GRB10: variants seen among roughly 807,000 people sequenced by gnomAD.
GRB10 encodes growth factor receptor-bound protein 10.
A neutral mutation model predicts 80.9 loss-of-function variants in GRB10; 20 were observed. The ratio of observed to expected loss-of-function variants is 0.25; its 90% CI spans 0.17 to 0.36. The LOEUF (loss-of-function observed/expected upper bound fraction) is 0.36, where lower values mean the gene tolerates loss of function less well. GRB10 is among the 10% of genes least tolerant of loss of function. The probability of loss-of-function intolerance (pLI) is 1.00; values close to 1 mark genes in which losing one functional copy is unlikely to be tolerated. For synonymous variants in GRB10, 291 were observed against 291.5 expected (o/e 1.00, Z 0.02); for missense variants, 548 against 747.7 (o/e 0.73, Z 3.12).
chr7:50,628,357 G>C (rs377698977), intron 7 of GRB10, among the ~76,000 whole-genome samples: 98 of 152,280 alleles, frequency 6.4e-4, no homozygotes, highest in East Asian at 1.2e-3. Flanking sequence ...TGTTTGGAAG[G>C]GGGTGCTTAC....
At position 50,593,062 on chromosome 7, in the gene GRB10, C is replaced by T. The variant is rs1207870979; in HGVS notation, c.1675G>A (p.Asp559Asn). 1.9e-5 allele frequency: 30 copies of T among 1,614,220 alleles called. No homozygotes were observed. The highest frequency in any genetic ancestry group is 2.5e-5 in the Non-Finnish European group (30 of 1,180,044). The stretch of plus-strand genomic sequence containing the variant: ...AGGTCAGAGAATTTGGTGTTCCCGT[C>T]ATCTAGGCTGAAGAACGTCTGCCCG... ...DDGQTFFSLD[D>N]GNTKFSDLIQ... Residue 559 changes from aspartate to asparagine, a missense_variant, in exon 19 of 19, where the codon GAC becomes AAC. Transcript: ENST00000401949.
upstream of GRB10, among the ~76,000 whole-genome samples, chr7:50,787,086 G>T (rs1251761797): frequency 2.6e-5 from 4 of 152,180 alleles, no homozygotes; most frequent in Admixed American, 1.3e-4. Context: ...ATACTACATG[G>T]CTCAGCTATG....
At chr7:50,597,555 C>G (rs888630671) in intron 17 of GRB10, among the ~76,000 whole-genome samples, 29 of 152,268 alleles carry the variant, frequency 1.9e-4, no homozygotes, top group African/African-American at 7.0e-4. Flanking sequence ...CTGCCGTTAA[C>G]TATCTGCTGT....
chr7:50,752,344 T>TA (rs1244923650), intron 3 of GRB10, among the ~76,000 whole-genome samples: 1 of 152,064 alleles, frequency 6.6e-6, no homozygotes, highest in Non-Finnish European at 1.5e-5. Context: ...TCAAGGTACT[T>TA]AAGAGTTTCT....
Position 50,619,289 on chromosome 7 carries a change from C to A in GRB10, c.662-4G>T, listed in dbSNP as rs750997021. Reference sequence around the variant, plus strand: ...TCATGGTCTTCCAAGCACCTCTCTGCAGGGGCAAAGCATCACGTGTGAGAC... The same window carrying A: ...TCATGGTCTTCCAAGCACCTCTCTGAAGGGGCAAAGCATCACGTGTGAGAC... On this transcript the variant is annotated splice_polypyrimidine_tract_variant and splice_region_variant and intron_variant, in intron 8 of 18. Transcript: ENST00000401949. 17 of 1,571,628 alleles carry A rather than the reference C, an allele frequency of 1.1e-5. No homozygotes were observed. Among genetic ancestry groups the A allele is most frequent in the South Asian group, 7.8e-5 (7 of 90,224 alleles).
chr7:50,642,392 A>T (rs1292128852), intron 7 of GRB10, among the ~76,000 whole-genome samples: 1 of 152,216 alleles, frequency 6.6e-6, no homozygotes, highest in Non-Finnish European at 1.5e-5. Context: ...CATATATGTA[A>T]ACACGTACAC....
chr7:50,653,773 C>T (rs2058298699), intron 7 of GRB10, among the ~76,000 whole-genome samples: 1 of 152,212 alleles, frequency 6.6e-6, no homozygotes, highest in Non-Finnish European at 1.5e-5. Context: ...CTAGCCACCC[C>T]TGCCATCCCC....
chr7:50,598,802 A>C (rs2047082602), intron 17 of GRB10, among the ~76,000 whole-genome samples: 3 of 152,240 alleles, frequency 2.0e-5, no homozygotes, highest in Non-Finnish European at 4.4e-5. Flanking sequence ...GGAAAGCTTC[A>C]AAGAATTCAA....
At chr7:50,726,178 A>G (rs541733150) in intron 4 of GRB10, 1 of 152,436 alleles carries the variant, frequency 6.6e-6, no homozygotes, top group East Asian at 1.9e-4. Flanking sequence ...TGGGCAGACT[A>G]CTTGAGACCA....
intron 5 of GRB10, among the ~76,000 whole-genome samples, chr7:50,688,259 C>T (rs2062344165): frequency 6.6e-6 from 1 of 152,126 alleles, no homozygotes; most frequent in Non-Finnish European, 1.5e-5. Flanking sequence ...AAACAAAAAA[C>T]AACATGATCC....
At chr7:50,595,908 G>C (rs891367124) in intron 17 of GRB10, 5 of 188,238 alleles carry the variant, frequency 2.7e-5, no homozygotes, top group African/African-American at 1.2e-4. Context: ...ACTAAATCTG[G>C]GCATCAAAAT....
intron 17 of GRB10, among the ~76,000 whole-genome samples, chr7:50,599,512 T>G (rs921717414): frequency 6.6e-5 from 10 of 152,216 alleles, no homozygotes; most frequent in Non-Finnish European, 1.5e-4. Flanking sequence ...TGTTAACGCC[T>G]GAATCAATCC....
At chr7:50,740,945 T>A (rs2071623854) in intron 3 of GRB10, among the ~76,000 whole-genome samples, 1 of 151,890 alleles carries the variant, frequency 6.6e-6, no homozygotes. Flanking sequence ...AAAGCAATGG[T>A]AGCAATGATA....
intron 4 of GRB10, among the ~76,000 whole-genome samples, chr7:50,731,752 C>T (rs151197347): frequency 0.018 from 2,685 of 152,292 alleles, 41 homozygotes; most frequent in East Asian, 0.047. Context: ...CACAAAATTC[C>T]ACCTAGGGCT....
intron 18 of GRB10, among the ~76,000 whole-genome samples, chr7:50,593,530 C>G (rs2046095379): frequency 6.6e-6 from 1 of 152,120 alleles, no homozygotes; most frequent in Admixed American, 6.5e-5. Flanking sequence ...CAGGGGTTTA[C>G]TCTGCTCCAT....
At chr7:50,640,791 A>T (rs1273591289) in intron 7 of GRB10, among the ~76,000 whole-genome samples, 1 of 152,212 alleles carries the variant, frequency 6.6e-6, no homozygotes, top group Non-Finnish European at 1.5e-5. Flanking sequence ...CCTAAATTGG[A>T]ATTAACTTTG....
rs534237520 is a variant in GRB10, at chr7:50,673,884, C to T, written c.362+552G>A. ...TGAGCTCCTATCACCCTTTGACATC[C>T]GTTCAGAAATCCTACCTCCCAGGAA... On this transcript the variant is annotated intron_variant, in intron 6 of 18. Transcript: ENST00000401949. 3.3e-5 allele frequency among the ~76,000 whole-genome samples: 5 copies of T among 152,302 alleles called. No homozygotes were observed. The South Asian group carries it at 6.2e-4, about 19-fold the overall frequency.
chr7:50,782,102 GA>G lies in GRB10; in HGVS notation c.-327+321del, dbSNP rs1265036964. Among the ~76,000 whole-genome samples, 2 of 152,252 alleles carry G rather than the reference GA, an allele frequency of 1.3e-5. No individual in the cohort carries two copies. The highest frequency in any genetic ancestry group is 2.9e-5 in the Non-Finnish European group (2 of 68,048). On this transcript the variant is annotated intron_variant, in intron 1 of 18. Coordinates refer to ENST00000401949, the MANE Select transcript of GRB10 (RefSeq NM_001350814.2). This position sits in a 1 kb window ranked among gnomAD's most constrained non-coding sequence, Gnocchi z 6.6. ...ACCACCTGGCGAGGAAGGAGCGGGC[GA>G]GGTTCGCTCGAATCGTCGTCACGGG...
intron 3 of GRB10, among the ~76,000 whole-genome samples, chr7:50,737,936 C>A (rs1239012927): frequency 6.6e-6 from 1 of 152,092 alleles, no homozygotes; most frequent in East Asian, 1.9e-4. Flanking sequence ...ACATAAGCAA[C>A]CTCATCTAAA....
Sources: allele counts gnomAD v4.1 joint callset (sites outside exome capture counted in the v4.1 genomes callset), GRCh38; gene constraint gnomAD v4.1.1; non-coding constraint Gnocchi (gnomAD v3.1); transcripts MANE v1.5; gene names NCBI Gene and HGNC (gene_info 2026-07-23, HGNC 2026-07-21).